The following USP43 variants were observed in gnomAD, a reference collection of about 807,000 sequenced individuals.
USP43 encodes the protein ubiquitin specific peptidase 43.
Under a neutral mutation model 90.7 loss-of-function variants are expected in USP43, and 33 were observed. That is an observed-to-expected ratio of 0.36 (90% confidence interval 0.28 to 0.49). USP43 has a LOEUF of 0.49. USP43 is among the 20% of genes least tolerant of loss of function. The pLI, the probability that USP43 is intolerant of heterozygous loss-of-function variation, is 0.98. For missense variants in USP43, 1,274 were observed against 1,476.4 expected (o/e 0.86, Z 2.25); for synonymous variants, 598 against 615.8 (o/e 0.97, Z 0.43).
chr17:9,665,709 C>T lies in USP43; in HGVS notation c.637-939C>T, dbSNP rs913177318. Reference sequence around the variant, plus strand: ...AGAATCTTGAGATGGGGTCATTAACCTGGATTATCCCAGTGGGCCCTAAAT... The same window carrying T: ...AGAATCTTGAGATGGGGTCATTAACTTGGATTATCCCAGTGGGCCCTAAAT... On this transcript the variant is annotated intron_variant, in intron 2 of 14. Coordinates refer to ENST00000285199, the MANE Select transcript of USP43 (RefSeq NM_153210.5). 2.0e-5 allele frequency among the ~76,000 whole-genome samples: 3 copies of T among 152,134 alleles called. No individual in the cohort carries two copies. In the East Asian group the frequency reaches 5.8e-4, roughly 29 times the overall value.
intron 8 of USP43, among the ~76,000 whole-genome samples, chr17:9,692,688 A>G (rs896066054): frequency 1.3e-5 from 2 of 152,242 alleles, no homozygotes; most frequent in Non-Finnish European, 2.9e-5. Flanking sequence ...TTTAAAATGT[A>G]TAAATATTTA....
At chr17:9,648,495 G>T (rs1029048583) in intron 1 of USP43, among the ~76,000 whole-genome samples, 6 of 152,210 alleles carry the variant, frequency 3.9e-5, no homozygotes, top group African/African-American at 1.4e-4. Context: ...GATTGGAACA[G>T]AAACATGTTA....
At chr17:9,724,418 G>A (rs1917142869) in intron 14 of USP43, among the ~76,000 whole-genome samples, 1 of 152,176 alleles carries the variant, frequency 6.6e-6, no homozygotes, top group African/African-American at 2.4e-5. Context: ...GGTGGCTCAC[G>A]CCTGTAATCC....
chr17:9,647,514 G>C (rs1470045616), intron 1 of USP43: 1 of 152,078 alleles, frequency 6.6e-6, no homozygotes, highest in Non-Finnish European at 1.5e-5. Context: ...CTCGTTATAC[G>C]GTTGTTGTAT....
intron 2 of USP43, among the ~76,000 whole-genome samples, chr17:9,663,027 AG>A (rs1235348694): frequency 6.6e-6 from 1 of 151,996 alleles, no homozygotes; most frequent in Non-Finnish European, 1.5e-5. Flanking sequence ...CATGTTGGCC[AG>A]GCTGGTCTCG....
chr17:9,648,923 C>T (rs987919556), intron 1 of USP43, among the ~76,000 whole-genome samples: 2 of 148,960 alleles, frequency 1.3e-5, no homozygotes, highest in Non-Finnish European at 3.0e-5. Context: ...CTCTCCCACT[C>T]TTTCTGTCTC....
chr17:9,682,305 C>G (rs376863806), intron 6 of USP43, among the ~76,000 whole-genome samples: 1 of 152,158 alleles, frequency 6.6e-6, no homozygotes, highest in African/African-American at 2.4e-5. Flanking sequence ...CAGTGGCTCA[C>G]GCCTGAAATC....
At position 9,724,537 on chromosome 17, in the gene USP43, G is replaced by A. The variant is rs558629356; in HGVS notation, c.2336-3417G>A. Among the ~76,000 whole-genome samples, 14 of 152,198 alleles carry A rather than the reference G, an allele frequency of 9.2e-5. No individual in the cohort carries two copies. The East Asian group carries it at 9.7e-4, about 11-fold the overall frequency. Reference sequence around the variant, plus strand: ...TCTGCTAAAAATACAAAAATTAGCCGGGCGTGGTGGTGGACGCCTGTAATC... The same window carrying A: ...TCTGCTAAAAATACAAAAATTAGCCAGGCGTGGTGGTGGACGCCTGTAATC... On this transcript the variant is annotated intron_variant, in intron 14 of 14. Coordinates refer to ENST00000285199, the MANE Select transcript of USP43 (RefSeq NM_153210.5).
chr17:9,663,038 G>C (rs755591669), intron 2 of USP43, among the ~76,000 whole-genome samples: 1 of 151,708 alleles, frequency 6.6e-6, no homozygotes, highest in South Asian at 2.1e-4. Flanking sequence ...GGCTGGTCTC[G>C]AACTCCTGAC....
At chr17:9,712,251 G>T (rs1008679520) in intron 14 of USP43, 119 bp downstream of exon 14, 5 of 1,241,080 alleles carry the variant, frequency 4.0e-6, no homozygotes, top group Non-Finnish European at 5.3e-6. Context: ...CATTACGAGA[G>T]GTTTGTTCAT....
rs1389656316 is a variant in USP43 at position 9,712,767 on chromosome 17, T to C, written c.2335+635T>C. On this transcript the variant is annotated intron_variant, in intron 14 of 14. Transcript: ENST00000285199. ...TGGACTCTATTCTAAGTGTAGTGGA[T>C]AGCGAGTGGAGAGGTGTTTTTGTTT... 3.4e-5 allele frequency among the ~76,000 whole-genome samples: 5 copies of C among 147,160 alleles called. 1 individual carries two copies. The highest frequency in any genetic ancestry group is 1.3e-4 in the African/African-American group (5 of 37,608).
At chr17:9,726,138 G>C (rs1480043088) in intron 14 of USP43, among the ~76,000 whole-genome samples, 2 of 152,152 alleles carry the variant, frequency 1.3e-5, no homozygotes, top group Non-Finnish European at 2.9e-5. Context: ...GAGGTCATGG[G>C]CTTTCGGCTT....
intron 2 of USP43, among the ~76,000 whole-genome samples, chr17:9,666,408 A>G (rs1913041704): frequency 6.6e-6 from 1 of 152,162 alleles, no homozygotes; most frequent in Non-Finnish European, 1.5e-5. Flanking sequence ...GCATCCACCA[A>G]GGTTCAGGCT....
At position 9,684,512 on chromosome 17, in the gene USP43, C is replaced by T. The variant is rs1022895117; in HGVS notation, c.1241+1554C>T. On this transcript the variant is annotated intron_variant, in intron 7 of 14. Transcript: ENST00000285199. ...GGCACGGTGGCTCACGCCTGTAATC[C>T]CAGCACTTTGAGAGGCTGAGGCGGG... 3.3e-5 allele frequency among the ~76,000 whole-genome samples: 5 copies of T among 152,074 alleles called. No individual in the cohort carries two copies. The South Asian group carries it at 6.2e-4, about 19-fold the overall frequency.
At position 9,701,371 on chromosome 17, in the gene USP43, G is replaced by T; in HGVS notation, c.1682G>T (p.Trp561Leu). The T allele has an allele frequency of 6.3e-7, 1 of 1,599,642 alleles. No individual in the cohort carries two copies. Among genetic ancestry groups the T allele is most frequent in the East Asian group, 2.3e-5 (1 of 44,268 alleles). ...KEEQLAQDDAWKCPHCQVLQQ... is the reference protein window; with the variant it reads ...KEEQLAQDDALKCPHCQVLQQ... The stretch of plus-strand genomic sequence containing the variant: ...TTCCAGCTGGCCCAGGATGACGCCT[G>T]GAAGTGTCCTCACTGCCAAGTCCTG... Residue 561 changes from tryptophan to leucine, a missense_variant, in exon 12 of 15, where the codon TGG becomes TTG. By Grantham distance (61) the Trp-to-Leu change is moderately conservative. Coordinates refer to ENST00000285199, the MANE Select transcript of USP43 (RefSeq NM_153210.5). The surrounding 1 kb of genome is among the most constrained non-coding windows in gnomAD (Gnocchi z 7.2).
At chr17:9,725,959 G>A (rs1467105885) in intron 14 of USP43, among the ~76,000 whole-genome samples, 1 of 152,128 alleles carries the variant, frequency 6.6e-6, no homozygotes, top group East Asian at 1.9e-4. Flanking sequence ...CCCCCCGAGG[G>A]CTGGGAATTT....
chr17:9,694,266 T>G (rs757776639), intron 9 of USP43, among the ~76,000 whole-genome samples: 1 of 151,932 alleles, frequency 6.6e-6, no homozygotes, highest in Non-Finnish European at 1.5e-5. Flanking sequence ...AGCCAGAAGG[T>G]TCTGTGACCT....
intron 12 of USP43, among the ~76,000 whole-genome samples, chr17:9,707,975 A>T (rs1301100634): frequency 4.6e-5 from 7 of 152,226 alleles, no homozygotes. Context: ...AGGGCGACTG[A>T]TTGACTGTGT....
At chr17:9,697,411 A>G (rs60134803) in intron 9 of USP43, among the ~76,000 whole-genome samples, 51,860 of 151,376 alleles carry the variant, frequency 0.34, 10,689 homozygotes, top group East Asian at 0.7. Flanking sequence ...TGGAGTTTGC[A>G]TTTCTATATA....
Sources: allele counts gnomAD v4.1 joint callset (sites outside exome capture counted in the v4.1 genomes callset), GRCh38; gene constraint gnomAD v4.1.1; non-coding constraint Gnocchi (gnomAD v3.1); transcripts MANE v1.5; gene names NCBI Gene and HGNC (gene_info 2026-07-23, HGNC 2026-07-21).